Variants in ZMYM2 observed in about 807,000 individuals in gnomAD.
The protein encoded by ZMYM2 is zinc finger MYM-type containing 2, also known as zinc finger MYM-type protein 2.
A neutral mutation model predicts 162.8 loss-of-function variants in ZMYM2; 56 were observed. That is an observed-to-expected ratio of 0.34 (90% CI 0.28 to 0.43). The LOEUF (loss-of-function observed/expected upper bound fraction) is 0.43. ZMYM2 is among the 20% of genes least tolerant of loss of function. The pLI is 1.00. For missense variants in ZMYM2, 1,275 were observed against 1,621.8 expected, an observed-to-expected ratio of 0.79 and a Z score of 3.67; for synonymous variants, 510 against 541.6, an observed-to-expected ratio of 0.94 and a Z score of 0.81.
chr13:19,956,278 A>C (rs1230554419), upstream of ZMYM2, among the ~76,000 whole-genome samples: 1 of 152,104 alleles, frequency 6.6e-6, no homozygotes, highest in Non-Finnish European at 1.5e-5. Flanking sequence ...ACTTAGCATA[A>C]TGTCTTTAAG....
rs745424932 is a variant in ZMYM2 at position 20,031,471 on chromosome 13, T to C, written c.1968+36T>C. 4 of 1,329,466 alleles carry C rather than the reference T, an allele frequency of 3.0e-6. No homozygotes were observed. In the South Asian group the frequency reaches 5.9e-5, roughly 20 times the overall value. 82.4% of individuals were successfully genotyped at this position (1,329,466 alleles called of 1,614,324 possible). ...TTTTGTAATGTGTGTTATCTAATGC[T>C]AAAAAGAAAGTCTAGTAAAATAAGT... On this transcript the variant is annotated intron_variant, in intron 10 of 24. Transcript: ENST00000610343.
intron 2 of ZMYM2, among the ~76,000 whole-genome samples, chr13:19,972,920 T>C (rs1170279941): frequency 6.7e-6 from 1 of 150,014 alleles, no homozygotes; most frequent in Non-Finnish European, 1.5e-5. Context: ...TATATAGATA[T>C]ATATATGTAT....
chr13:19,984,102 AGAT>A (rs1948952303), intron 2 of ZMYM2, among the ~76,000 whole-genome samples: 1 of 152,240 alleles, frequency 6.6e-6, no homozygotes, highest in South Asian at 2.1e-4. Flanking sequence ...ATAAGGGAGA[AGAT>A]GATGAATACT....
At chr13:19,876,944 T>C in the ZMYM2 span, among the ~76,000 whole-genome samples, 1 of 152,146 alleles carries the variant, frequency 6.6e-6, no homozygotes, top group African/African-American at 2.4e-5. Flanking sequence ...AGAAGTTTAT[T>C]GGCCAGGCGG....
chr13:20,054,716 T>C (rs1484392438), intron 14 of ZMYM2, among the ~76,000 whole-genome samples: 1 of 152,188 alleles, frequency 6.6e-6, no homozygotes, highest in African/African-American at 2.4e-5. Context: ...TGACATAAAG[T>C]AGTATTTGCA....
intron 7 of ZMYM2, among the ~76,000 whole-genome samples, chr13:20,022,766 T>C (rs1043801438): frequency 3.9e-5 from 6 of 152,186 alleles, no homozygotes; most frequent in Non-Finnish European, 5.9e-5. Flanking sequence ...TTATTTAGTA[T>C]AATAAATATT....
chr13:20,016,237 G>A (rs1306599997), intron 6 of ZMYM2, among the ~76,000 whole-genome samples: 1 of 151,970 alleles, frequency 6.6e-6, no homozygotes, highest in East Asian at 1.9e-4. Flanking sequence ...TCAATCTAAT[G>A]TGAATTTATA....
chr13:19,909,014 C>T, the ZMYM2 span, among the ~76,000 whole-genome samples: 1 of 152,144 alleles, frequency 6.6e-6, no homozygotes, highest in African/African-American at 2.4e-5. Context: ...TTACTATTAT[C>T]CCAGACAGCA....
the ZMYM2 span, among the ~76,000 whole-genome samples, chr13:19,900,338 C>G: frequency 6.6e-6 from 1 of 151,954 alleles, no homozygotes; most frequent in East Asian, 1.9e-4. Flanking sequence ...AAATAGATAA[C>G]CGATATAAAA....
At chr13:20,040,535 G>A (rs894559880) in intron 12 of ZMYM2, among the ~76,000 whole-genome samples, 4 of 151,222 alleles carry the variant, frequency 2.6e-5, no homozygotes, top group South Asian at 2.1e-4. Flanking sequence ...ACCCCTGCAC[G>A]CAAAAAAATA....
At chr13:20,082,191 G>T in intron 22 of ZMYM2, 61 bp downstream of exon 22, 3 of 1,222,432 alleles carry the variant, frequency 2.5e-6, no homozygotes, top group Non-Finnish European at 3.4e-6. Flanking sequence ...TTTTTACAGA[G>T]TATGTTTGAA....
At chr13:19,934,117 A>AT in the ZMYM2 span, among the ~76,000 whole-genome samples, 1 of 152,022 alleles carries the variant, frequency 6.6e-6, no homozygotes, top group East Asian at 1.9e-4. Flanking sequence ...CATTTTACTT[A>AT]TTTTTTATGG....
At chr13:20,025,104 A>C (rs747790126) in intron 7 of ZMYM2, 1 of 209,970 alleles carries the variant, frequency 4.8e-6, no homozygotes, top group African/African-American at 2.3e-5. Context: ...TATTTGTGAC[A>C]TTTTTCCATG....
Position 20,086,119 on chromosome 13 carries a change from T to C in ZMYM2, c.*105T>C. On this transcript the variant is annotated 3_prime_UTR_variant, in exon 25 of 25. Coordinates refer to ENST00000610343, the MANE Select transcript of ZMYM2 (RefSeq NM_197968.4). ...CAAGTTTACTCCTTCTGTTTTGAGT[T>C]TTGTAGCAGTGTACCCACGCTGGGT... 1 of 1,203,828 alleles carries C rather than the reference T, an allele frequency of 8.3e-7. No homozygotes were observed. Among genetic ancestry groups the C allele is most frequent in the South Asian group, 1.6e-5 (1 of 63,434 alleles). 74.6% of individuals were successfully genotyped at this position (1,203,828 alleles called of 1,614,324 possible).
chr13:19,915,771 T>A, the ZMYM2 span, among the ~76,000 whole-genome samples: 1 of 152,128 alleles, frequency 6.6e-6, no homozygotes, highest in African/African-American at 2.4e-5. Context: ...CCCAAAGTGC[T>A]AGGATTACAG....
the ZMYM2 span, among the ~76,000 whole-genome samples, chr13:19,875,070 A>G: frequency 6.6e-6 from 1 of 152,240 alleles, no homozygotes; most frequent in Non-Finnish European, 1.5e-5. Flanking sequence ...TACTGGGTAT[A>G]TACCCAAAGG....
the ZMYM2 span, among the ~76,000 whole-genome samples, chr13:19,878,960 A>G: frequency 6.6e-6 from 1 of 152,202 alleles, no homozygotes; most frequent in Non-Finnish European, 1.5e-5. Flanking sequence ...CTCTGCTGAC[A>G]GCATCTTTCC....
intron 6 of ZMYM2, among the ~76,000 whole-genome samples, chr13:20,014,727 C>T (rs533539601): frequency 6.9e-6 from 1 of 145,972 alleles, no homozygotes; most frequent in African/African-American, 2.5e-5. Context: ...CGTCTTTTTC[C>T]TCAAGGTGGT....
chr13:19,873,389 T>TTTATTTAATTAA, the ZMYM2 span, among the ~76,000 whole-genome samples: 8 of 131,512 alleles, frequency 6.1e-5, no homozygotes, highest in African/African-American at 2.3e-4. Flanking sequence ...ATTTTATTTA[T>TTTATTTAATTAA]TTATTTATTT....
Sources: gnomAD v4.1 joint callset for allele counts (sites outside exome capture counted in the v4.1 genomes callset) on GRCh38, gnomAD v4.1.1 for gene constraint, MANE v1.5 for transcripts, NCBI Gene and HGNC (gene_info 2026-07-23, HGNC 2026-07-21) for gene names.